CCSER1: variants seen among roughly 807,000 people sequenced by gnomAD.
The protein encoded by CCSER1 is serine-rich coiled-coil domain-containing protein 1.
In CCSER1, 41 loss-of-function variants were observed where a neutral mutation model predicts 82.0. The observed-to-expected ratio is 0.50, with a 90% CI of 0.39 to 0.65. The LOEUF (loss-of-function observed/expected upper bound fraction) is 0.65, where lower values mean the gene tolerates loss of function less well. Among genes scored for constraint, CCSER1 ranks in the 30% least tolerant of loss-of-function variants. The pLI is 0.00. For synonymous variants in CCSER1, 414 were observed against 383.9 expected (o/e 1.08, Z -0.92); for missense variants, 1,119 against 1,064.2 (o/e 1.05, Z -0.72).
At chr4:91,408,706 A>G (rs1752850411) in intron 10 of CCSER1, among the ~76,000 whole-genome samples, 1 of 152,194 alleles carries the variant, frequency 6.6e-6, no homozygotes, top group African/African-American at 2.4e-5. Flanking sequence ...TATAATTTCC[A>G]CATGCCTTGT....
intron 5 of CCSER1, among the ~76,000 whole-genome samples, chr4:90,547,222 TAAATA>T (rs200966987): frequency 0.019 from 2,838 of 151,538 alleles, 81 homozygotes; most frequent in African/African-American, 0.063. Context: ...GTGACACAAT[TAAATA>T]AAATAAAATA....
At chr4:91,474,932 T>C (rs1295552594) in intron 10 of CCSER1, among the ~76,000 whole-genome samples, 1 of 151,734 alleles carries the variant, frequency 6.6e-6, no homozygotes, top group Non-Finnish European at 1.5e-5. Context: ...GTATTTATCA[T>C]TGCATGTTTA....
chr4:90,363,947 T>G (rs955235099), intron 3 of CCSER1, among the ~76,000 whole-genome samples: 2 of 152,112 alleles, frequency 1.3e-5, no homozygotes, highest in Non-Finnish European at 2.9e-5. Flanking sequence ...AAAAAATGTT[T>G]GGGAACAACT....
intron 1 of CCSER1, among the ~76,000 whole-genome samples, chr4:90,235,501 G>A (rs756977151): frequency 1.3e-5 from 2 of 151,994 alleles, no homozygotes; most frequent in African/African-American, 4.8e-5. Context: ...ATAAACACTC[G>A]AACCCTAGAA....
chr4:90,942,818 C>G (rs1731749820), intron 9 of CCSER1, among the ~76,000 whole-genome samples: 2 of 149,486 alleles, frequency 1.3e-5, no homozygotes, highest in South Asian at 2.1e-4. Context: ...CTTCTTCCCT[C>G]TAAGATATAG....
At chr4:90,234,041 A>G (rs146045528) in intron 1 of CCSER1, among the ~76,000 whole-genome samples, 28 of 152,318 alleles carry the variant, frequency 1.8e-4, no homozygotes, top group Middle Eastern at 3.4e-3. Context: ...TATGATATCA[A>G]TGGAAAACAA....
chr4:90,825,242 T>G (rs902077238), intron 8 of CCSER1, among the ~76,000 whole-genome samples: 2 of 152,218 alleles, frequency 1.3e-5, no homozygotes, highest in Non-Finnish European at 2.9e-5. Flanking sequence ...TTAAAAATAT[T>G]CCACCATATT....
intron 10 of CCSER1, among the ~76,000 whole-genome samples, chr4:91,172,008 A>T (rs922347085): frequency 1.3e-5 from 2 of 152,254 alleles, no homozygotes; most frequent in East Asian, 1.9e-4. Context: ...CAATAAAAAA[A>T]ATCCTATTAT....
intron 8 of CCSER1, among the ~76,000 whole-genome samples, chr4:90,861,556 A>G (rs1018489760): frequency 1.3e-5 from 2 of 151,766 alleles, no homozygotes; most frequent in African/African-American, 4.8e-5. Flanking sequence ...GTAATAGAAA[A>G]GGCCGTTGAT....
chr4:90,997,846 A>G (rs866631447), intron 9 of CCSER1, among the ~76,000 whole-genome samples: 10 of 152,162 alleles, frequency 6.6e-5, no homozygotes, highest in South Asian at 2.1e-4. Flanking sequence ...AGAGTTTTAT[A>G]ATGAACACAT....
intron 9 of CCSER1, among the ~76,000 whole-genome samples, chr4:90,958,002 TGAG>T (rs1411978425): frequency 6.6e-6 from 1 of 152,124 alleles, no homozygotes; most frequent in East Asian, 1.9e-4. Context: ...AGGAGTTACT[TGAG>T]AGAGCTTCTA....
intron 1 of CCSER1, among the ~76,000 whole-genome samples, chr4:90,274,778 A>G (rs560106811): frequency 6.6e-6 from 1 of 152,294 alleles, no homozygotes; most frequent in South Asian, 2.1e-4. Context: ...TTTATATTAT[A>G]TCACACAATT....
At chr4:90,881,856 T>TAAAATA (rs1271839799) in intron 8 of CCSER1, among the ~76,000 whole-genome samples, 4 of 150,792 alleles carry the variant, frequency 2.7e-5, no homozygotes, top group Non-Finnish European at 4.5e-5. Context: ...ACTCTTCCCC[T>TAAAATA]GTCTATTCCA....
At chr4:90,630,428 A>C (rs944441197) in intron 6 of CCSER1, among the ~76,000 whole-genome samples, 1 of 152,236 alleles carries the variant, frequency 6.6e-6, no homozygotes, top group Admixed American at 6.5e-5. Flanking sequence ...AGTGATATTC[A>C]CTATAAAGTC....
At chr4:91,427,672 T>G (rs2149389773) in intron 10 of CCSER1, among the ~76,000 whole-genome samples, 1 of 152,232 alleles carries the variant, frequency 6.6e-6, no homozygotes, top group Non-Finnish European at 1.5e-5. Flanking sequence ...AGGATTAACT[T>G]AACTAGCTAG....
At chr4:90,196,950 T>C (rs765618465) in intron 1 of CCSER1, among the ~76,000 whole-genome samples, 20 of 152,016 alleles carry the variant, frequency 1.3e-4, no homozygotes, top group Non-Finnish European at 2.5e-4. Context: ...ACTGTGACAC[T>C]ATGTACCTTG....
intron 3 of CCSER1, among the ~76,000 whole-genome samples, chr4:90,339,768 C>T (rs1041901790): frequency 2.6e-5 from 4 of 151,932 alleles, no homozygotes; most frequent in South Asian, 2.1e-4. Context: ...TTAATCTTTC[C>T]GTATCTGCTT....
At chr4:90,473,078 A>G (rs2153591829) in intron 5 of CCSER1, among the ~76,000 whole-genome samples, 1 of 152,324 alleles carries the variant, frequency 6.6e-6, no homozygotes, top group South Asian at 2.1e-4. Flanking sequence ...AGCTACACTC[A>G]GCATGTTCCT....
rs1764879922 is a variant in CCSER1, at chr4:91,603,414, C to T, written c.*4357C>T. On this transcript the variant is annotated 3_prime_UTR_variant, in exon 11 of 11. Transcript: ENST00000509176. ...ACCAAAAAGTTAAAAGATGATAACACTCTGTGGTTGAATTACCTATGGAAA... is the reference window on the plus strand; with the variant it reads ...ACCAAAAAGTTAAAAGATGATAACATTCTGTGGTTGAATTACCTATGGAAA... 1 of 152,070 alleles carries T rather than the reference C, an allele frequency of 6.6e-6. No individual in the cohort carries two copies. The highest frequency in any genetic ancestry group is 6.6e-5 in the Admixed American group (1 of 15,250). 9.4% of individuals were successfully genotyped at this position (152,070 alleles called of 1,614,324 possible).
Sources: gnomAD v4.1 joint callset for allele counts (sites outside exome capture counted in the v4.1 genomes callset) on GRCh38, gnomAD v4.1.1 for gene constraint, MANE v1.5 for transcripts, NCBI Gene and HGNC (gene_info 2026-07-23, HGNC 2026-07-21) for gene names.